KLHL32: variants seen among roughly 807,000 people sequenced by gnomAD.
The protein encoded by KLHL32 is kelch-like protein 32.
In KLHL32, 35 loss-of-function variants were observed where a neutral mutation model predicts 64.8. That is an observed-to-expected ratio of 0.54 (90% CI 0.41 to 0.72). The LOEUF is 0.72. KLHL32 is among the 30% of genes least tolerant of loss of function. The pLI is 0.00. For missense variants in KLHL32, 589 were observed against 768.5 expected (o/e 0.77, Z 2.76); for synonymous variants, 259 against 281.0 (o/e 0.92, Z 0.78).
chr6:97,109,966 T>C (rs1005489265), intron 6 of KLHL32, among the ~76,000 whole-genome samples: 13 of 152,360 alleles, frequency 8.5e-5, no homozygotes, highest in Non-Finnish European at 1.8e-4. Flanking sequence ...TGGATGACTT[T>C]ATCCCTGAGA....
intron 3 of KLHL32, among the ~76,000 whole-genome samples, chr6:96,996,322 C>T (rs755777391): frequency 2.0e-4 from 31 of 152,042 alleles, no homozygotes; most frequent in Non-Finnish European, 3.2e-4. Flanking sequence ...AGAGGCTGGG[C>T]GTGCTCCTGC....
chr6:97,108,054 A>G (rs567805946), intron 6 of KLHL32, among the ~76,000 whole-genome samples: 4 of 152,302 alleles, frequency 2.6e-5, no homozygotes, highest in East Asian at 1.9e-4. Context: ...CCTGTTGTAC[A>G]TGGAAATGAC....
At chr6:96,920,957 A>T (rs941717966), upstream of KLHL32, among the ~76,000 whole-genome samples, 1 of 152,228 alleles carries the variant, frequency 6.6e-6, no homozygotes, top group African/African-American at 2.4e-5. Flanking sequence ...AAAAATAATG[A>T]ATGTAAATAT....
intron 4 of KLHL32, chr6:97,062,608 C>A (rs971235899): frequency 2.6e-5 from 4 of 152,020 alleles, no homozygotes; most frequent in Non-Finnish European, 5.9e-5. Context: ...AAAATTGATT[C>A]TGAATAAAAA....
At chr6:97,137,582 T>G (rs893688474) in intron 10 of KLHL32, among the ~76,000 whole-genome samples, 1 of 152,148 alleles carries the variant, frequency 6.6e-6, no homozygotes, top group African/African-American at 2.4e-5. Context: ...TCGCCCAGGC[T>G]GGAGTGCAGT....
intron 3 of KLHL32, chr6:97,025,144 T>C (rs1428708635): frequency 3.1e-6 from 3 of 979,976 alleles, no homozygotes; most frequent in East Asian, 1.1e-4. Flanking sequence ...GTGAGCCTGA[T>C]GAATTGGTAT....
At chr6:96,919,973 C>T (rs1768698933), upstream of KLHL32, among the ~76,000 whole-genome samples, 4 of 152,102 alleles carry the variant, frequency 2.6e-5, no homozygotes. Flanking sequence ...ATCAACCAAC[C>T]GAATTTGCTT....
At position 97,009,039 on chromosome 6, in the gene KLHL32, C is replaced by T. The variant is rs556122620; in HGVS notation, c.205-32453C>T. Among the ~76,000 whole-genome samples the T allele has an allele frequency of 2.1e-3, 312 of 152,034 alleles. 2 individuals are homozygous for T. The highest frequency in any genetic ancestry group is 2.0e-3 in the Non-Finnish European group (136 of 67,988). ...GCTGTGTATATCCTTGGGCAAGTGG[C>T]TTTATATCATTAAGTTTTATATTCT... On this transcript the variant is annotated intron_variant, in intron 3 of 10. Coordinates refer to ENST00000369261, the MANE Select transcript of KLHL32 (RefSeq NM_052904.4).
intron 5 of KLHL32, among the ~76,000 whole-genome samples, chr6:97,083,205 T>A (rs966751325): frequency 3.9e-5 from 6 of 151,984 alleles, no homozygotes; most frequent in African/African-American, 1.4e-4. Context: ...GCCTGACCAA[T>A]ATGGTGAAAC....
chr6:97,010,508 T>C (rs1018040569), intron 3 of KLHL32, among the ~76,000 whole-genome samples: 6 of 152,228 alleles, frequency 3.9e-5, no homozygotes, highest in Non-Finnish European at 8.8e-5. Flanking sequence ...TAGTGCATTG[T>C]TCCCCTTAAC....
chr6:96,951,064 A>G (rs927868976), intron 1 of KLHL32, among the ~76,000 whole-genome samples: 6 of 152,218 alleles, frequency 3.9e-5, no homozygotes, highest in African/African-American at 1.4e-4. Context: ...TAGAACTGTG[A>G]CCTGATCTAA....
intron 3 of KLHL32, among the ~76,000 whole-genome samples, chr6:97,040,216 CACAAA>C (rs1784917778): frequency 6.6e-6 from 1 of 152,152 alleles, no homozygotes; most frequent in East Asian, 1.9e-4. Context: ...GAACAGTTCC[CACAAA>C]ACTTCTCTCA....
intron 3 of KLHL32, among the ~76,000 whole-genome samples, chr6:97,032,114 AC>A (rs1783646332): frequency 6.6e-6 from 1 of 152,210 alleles, no homozygotes. Context: ...TGCCCACATG[AC>A]TAGTAGTTTA....
chr6:96,942,798 C>T (rs62413864), intron 1 of KLHL32, among the ~76,000 whole-genome samples: 15,164 of 151,880 alleles, frequency 0.1, 813 homozygotes, highest in Middle Eastern at 0.16. Context: ...TCTGATGCCA[C>T]CACCTCCCTT....
At chr6:97,093,537 C>T (rs1389275534) in intron 6 of KLHL32, among the ~76,000 whole-genome samples, 3 of 152,152 alleles carry the variant, frequency 2.0e-5, no homozygotes, top group African/African-American at 7.2e-5. Flanking sequence ...ATAAGTCAAA[C>T]GTTTTTATAT....
intron 1 of KLHL32, among the ~76,000 whole-genome samples, chr6:96,932,309 A>G (rs573378983): frequency 1.3e-5 from 2 of 149,296 alleles, no homozygotes; most frequent in East Asian, 4.0e-4. Flanking sequence ...TAATTTTGCC[A>G]TAGCTTATCT....
Position 96,997,069 on chromosome 6 carries a change from A to G in KLHL32, c.204+20892A>G, listed in dbSNP as rs146286259. ...TGAGTGTGGTTGAGGGTCAGGGAGC[A>G]TGGGAGCAAAGGGATGTTCATGCTG... On this transcript the variant is annotated intron_variant, in intron 3 of 10. Transcript: ENST00000369261. 3.7e-4 allele frequency among the ~76,000 whole-genome samples: 56 copies of G among 152,238 alleles called. No individual in the cohort carries two copies. In the East Asian group the frequency reaches 6.2e-3, roughly 17 times the overall value.
intron 1 of KLHL32, among the ~76,000 whole-genome samples, chr6:96,941,371 T>C (rs1771264938): frequency 6.6e-6 from 1 of 152,172 alleles, no homozygotes; most frequent in African/African-American, 2.4e-5. Flanking sequence ...AACATGCATT[T>C]TGATATTTAA....
At chr6:97,072,823 C>T (rs1375423413) in intron 5 of KLHL32, among the ~76,000 whole-genome samples, 2 of 152,144 alleles carry the variant, frequency 1.3e-5, no homozygotes, top group Non-Finnish European at 2.9e-5. Flanking sequence ...TATGGGCAAT[C>T]TTCTGGGAGG....
Sources: gnomAD v4.1 joint callset for allele counts (sites outside exome capture counted in the v4.1 genomes callset) on GRCh38, gnomAD v4.1.1 for gene constraint, MANE v1.5 for transcripts, NCBI Gene and HGNC (gene_info 2026-07-23, HGNC 2026-07-21) for gene names.